Variants in PPARA observed in about 807,000 individuals in gnomAD.
The protein encoded by PPARA is peroxisome proliferator-activated receptor alpha.
A neutral mutation model predicts 42.2 loss-of-function variants in PPARA; 22 were observed. The ratio of observed to expected loss-of-function variants is 0.52; its 90% CI spans 0.37 to 0.74. PPARA has a LOEUF of 0.74. Among genes scored for constraint, PPARA ranks in the 30% least tolerant of loss-of-function variants. The pLI is 0.00. For missense variants in PPARA, 465 were observed against 608.2 expected (o/e 0.76, Z 2.48); for synonymous variants, 242 against 239.3 (o/e 1.01, Z -0.10).
chr22:46,150,728 C>T lies in PPARA; in HGVS notation c.-210+76C>T, dbSNP rs1467489609. 1.3e-5 allele frequency: 2 copies of T among 149,754 alleles called. No homozygotes were observed. Among genetic ancestry groups the T allele is most frequent in the Non-Finnish European group, 3.0e-5 (2 of 67,110 alleles). 9.3% of individuals were successfully genotyped at this position (149,754 alleles called of 1,614,324 possible). ...GGTCCGGGCTTCCCAGGTCCCGGGA[C>T]CCGGAGGGCGGCGGACGGGGGAGGG... is the stretch of plus-strand genomic sequence containing the variant. On this transcript the variant is annotated intron_variant, in intron 1 of 8. Coordinates refer to ENST00000407236, the MANE Select transcript of PPARA (RefSeq NM_005036.6). This position sits in a 1 kb window ranked among gnomAD's most constrained non-coding sequence, Gnocchi z 7.5.
At chr22:46,228,398 G>T (rs746360428) in intron 7 of PPARA, among the ~76,000 whole-genome samples, 2 of 143,740 alleles carry the variant, frequency 1.4e-5, no homozygotes, top group Non-Finnish European at 1.5e-5. Context: ...AACCAGGCGT[G>T]GTTGGTGGGT....
intron 2 of PPARA, among the ~76,000 whole-genome samples, chr22:46,154,614 C>A (rs942413152): frequency 2.5e-4 from 38 of 151,824 alleles, no homozygotes; most frequent in African/African-American, 8.7e-4. Flanking sequence ...GAGACCTGGT[C>A]TCAAAAAATA....
At chr22:46,176,227 T>A (rs1929037339) in intron 2 of PPARA, 2 of 152,230 alleles carry the variant, frequency 1.3e-5, no homozygotes, top group African/African-American at 4.8e-5. Context: ...GGCTCATGCC[T>A]GTAATCTCAG....
At position 46,236,810 on chromosome 22, in the gene PPARA, G is replaced by C. The variant is rs1932856637; in HGVS notation, c.*1430G>C. The C allele has an allele frequency of 6.6e-6, 1 of 152,236 alleles. No individual in the cohort carries two copies. Among genetic ancestry groups the C allele is most frequent in the South Asian group, 2.1e-4 (1 of 4,826 alleles). 9.4% of individuals were successfully genotyped at this position (152,236 alleles called of 1,614,324 possible). A position where few individuals can be genotyped will look rare whatever the true frequency, so the allele number is the denominator to read the frequency against. ...ACTTCAAATGGCAGATTTCACAAGAGTTGGTTATTTTTTACAATGGTTTAG... is the reference window on the plus strand; with the variant it reads ...ACTTCAAATGGCAGATTTCACAAGACTTGGTTATTTTTTACAATGGTTTAG... On this transcript the variant is annotated 3_prime_UTR_variant, in exon 9 of 9. Transcript: ENST00000407236. This position sits in a 1 kb window ranked among gnomAD's most constrained non-coding sequence, Gnocchi z 5.2.
intron 2 of PPARA, among the ~76,000 whole-genome samples, chr22:46,168,346 C>A (rs1927412883): frequency 3.7e-5 from 2 of 54,136 alleles, no homozygotes; most frequent in Admixed American, 3.0e-4. Context: ...AGCGAGACTC[C>A]ATCTCAAAAA....
intron 4 of PPARA, 92 bp from the exon 5 acceptor site, chr22:46,215,081 C>T: frequency 6.7e-7 from 1 of 1,502,658 alleles, no homozygotes; most frequent in South Asian, 1.1e-5. Context: ...GCACTAGAAG[C>T]CTCGTATGCG....
At chr22:46,174,560 T>TA (rs1216974866) in intron 2 of PPARA, among the ~76,000 whole-genome samples, 1 of 152,098 alleles carries the variant, frequency 6.6e-6, no homozygotes, top group East Asian at 1.9e-4. Flanking sequence ...CTCACTCCTG[T>TA]AATCCCAGCA....
In PPARA at chr22:46,173,226, T is replaced by C. The variant is rs1928368819; in HGVS notation, c.-126-3527T>C. ...CTTTTCACTCTCTTATTTGGGGATTTACAAAACAGTTATGTTTTTAGTTTT... is the reference window on the plus strand; with the variant it reads ...CTTTTCACTCTCTTATTTGGGGATTCACAAAACAGTTATGTTTTTAGTTTT... On this transcript the variant is annotated intron_variant, in intron 2 of 8. Coordinates refer to ENST00000407236, the MANE Select transcript of PPARA (RefSeq NM_005036.6). This position sits in a 1 kb window ranked among gnomAD's most constrained non-coding sequence, Gnocchi z 4.3. 6.6e-6 allele frequency among the ~76,000 whole-genome samples: 1 copy of C among 152,242 alleles called. No individual in the cohort carries two copies. Among genetic ancestry groups the C allele is most frequent in the African/African-American group, 2.4e-5 (1 of 41,462 alleles).
At chr22:46,213,019 T>C (rs1338515118) in intron 4 of PPARA, among the ~76,000 whole-genome samples, 1 of 152,124 alleles carries the variant, frequency 6.6e-6, no homozygotes, top group Non-Finnish European at 1.5e-5. Flanking sequence ...TAAACTGCTG[T>C]ATACATGTGT....
In PPARA at chr22:46,205,554, A is replaced by ATTTTTT. The variant is rs1322589111; in HGVS notation, c.208+6988_208+6993dup. Among the ~76,000 whole-genome samples, 27 of 12,924 alleles carry ATTTTTT rather than the reference A, an allele frequency of 2.1e-3. 3 individuals are homozygous for ATTTTTT. Among genetic ancestry groups the ATTTTTT allele is most frequent in the East Asian group, 3.9e-3 (1 of 256 alleles). The allele number at this position is 12,924 out of a possible 152,430, so 8.5% of individuals were successfully genotyped here. ...TATATATATATATATATATATATAT[A>ATTTTTT]TTTTTTTTTTTTTTTTTTTTTTTTT... On this transcript the variant is annotated intron_variant, in intron 4 of 8. Coordinates refer to ENST00000407236, the MANE Select transcript of PPARA (RefSeq NM_005036.6).
At position 46,155,438 on chromosome 22, in the gene PPARA, C is replaced by G; in HGVS notation, c.-127+3468C>G. ...CAAGCGATTCTCCTGCCTCAGTCTC[C>G]CCAGTAGCTGGGATTACAGGTGCCC... On this transcript the variant is annotated intron_variant, in intron 2 of 8. Transcript: ENST00000407236. 2 of 152,312 alleles carry G rather than the reference C, an allele frequency of 1.3e-5. 1 individual carries two copies. Among genetic ancestry groups the G allele is most frequent in the Non-Finnish European group, 2.9e-5 (2 of 68,120 alleles). 9.4% of individuals were successfully genotyped at this position (152,312 alleles called of 1,614,324 possible).
At chr22:46,208,115 T>G (rs1933570476) in intron 4 of PPARA, among the ~76,000 whole-genome samples, 1 of 152,198 alleles carries the variant, frequency 6.6e-6, no homozygotes, top group Non-Finnish European at 1.5e-5. Flanking sequence ...AATTTTAGTT[T>G]AATTTTTAAT....
chr22:46,183,161 C>T lies in PPARA; in HGVS notation c.-43+6325C>T, dbSNP rs766427576. 4.6e-5 allele frequency among the ~76,000 whole-genome samples: 7 copies of T among 152,232 alleles called. No individual in the cohort carries two copies. The highest frequency in any genetic ancestry group is 7.3e-5 in the Non-Finnish European group (5 of 68,046). Reference sequence around the variant, plus strand: ...ACTCGGGTGCCCCAATGTGGCGGTGCTTACAGAAATGACTCCATCTGCTAA... The same window carrying T: ...ACTCGGGTGCCCCAATGTGGCGGTGTTTACAGAAATGACTCCATCTGCTAA... On this transcript the variant is annotated intron_variant, in intron 3 of 8. Transcript: ENST00000407236. This position sits in a 1 kb window ranked among gnomAD's most constrained non-coding sequence, Gnocchi z 5.5.
At chr22:46,217,643 C>G (rs1934606060) in intron 5 of PPARA, among the ~76,000 whole-genome samples, 4 of 151,988 alleles carry the variant, frequency 2.6e-5, no homozygotes, top group Admixed American at 1.3e-4. Flanking sequence ...TACATTGTAA[C>G]AAGGCTGAGT....
In PPARA at chr22:46,150,571, G is replaced by A. The variant is rs1924224498; in HGVS notation, c.-291G>A. ...GCGGGGGCAGCGGGCGGCGGGGGCGGAGGCGGCCGCTAGCGCCCTGCCCGG... is the reference window on the plus strand; with the variant it reads ...GCGGGGGCAGCGGGCGGCGGGGGCGAAGGCGGCCGCTAGCGCCCTGCCCGG... On this transcript the variant is annotated 5_prime_UTR_variant, in exon 1 of 9. Transcript: ENST00000407236. The surrounding 1 kb of genome is among the most constrained non-coding windows in gnomAD (Gnocchi z 7.5). 6.9e-6 allele frequency: 1 copy of A among 145,448 alleles called. No homozygotes were observed. Among genetic ancestry groups the A allele is most frequent in the Admixed American group, 6.8e-5 (1 of 14,700 alleles). The allele number at this position is 145,448 out of a possible 1,614,324, so 9.0% of individuals were successfully genotyped here.
rs1481170222 is a variant in PPARA at position 46,227,658 on chromosome 22, T to G, written c.712-4134T>G. Among the ~76,000 whole-genome samples the G allele has an allele frequency of 6.6e-6, 1 of 152,234 alleles. No homozygotes were observed. The highest frequency in any genetic ancestry group is 6.5e-5 in the Admixed American group (1 of 15,284). On this transcript the variant is annotated intron_variant, in intron 7 of 8. Transcript: ENST00000407236. This position sits in a 1 kb window ranked among gnomAD's most constrained non-coding sequence, Gnocchi z 4.3. Reference sequence around the variant, plus strand: ...ACATGAGTGTGTGCCGGGACCAGTGTGGCAGCAAGCGGGGCGTTCTGCTCT... The same window carrying G: ...ACATGAGTGTGTGCCGGGACCAGTGGGGCAGCAAGCGGGGCGTTCTGCTCT...
chr22:46,235,095 T>TATC lies in PPARA; in HGVS notation c.1160-36_1160-34dup. The stretch of plus-strand genomic sequence containing the variant: ...AACTGATAAGCAGTTCTTGGGTGAT[T>TATC]ATCACACTCAAACCTCTCTCTCTTC... On this transcript the variant is annotated intron_variant, in intron 8 of 8. Transcript: ENST00000407236. This position sits in a 1 kb window ranked among gnomAD's most constrained non-coding sequence, Gnocchi z 7.0. 6.2e-7 allele frequency: 1 copy of TATC among 1,613,694 alleles called. No homozygotes were observed. Among genetic ancestry groups the TATC allele is most frequent in the African/African-American group, 1.3e-5 (1 of 75,042 alleles).
rs187667898 is a variant in PPARA, at chr22:46,202,079, G to A, written c.208+3488G>A. Among the ~76,000 whole-genome samples, 237 of 152,080 alleles carry A rather than the reference G, an allele frequency of 1.6e-3. 1 individual carries two copies. Among genetic ancestry groups the A allele is most frequent in the Non-Finnish European group, 2.7e-3 (183 of 67,988 alleles). On this transcript the variant is annotated intron_variant, in intron 4 of 8. Transcript: ENST00000407236. ...GAAATATGGAATTTGTGTGAGCTGC[G>A]GGAGTGGGTGGGTGTGTGGCTCTAG...
intron 3 of PPARA, among the ~76,000 whole-genome samples, chr22:46,178,078 C>G (rs902223226): frequency 6.6e-6 from 1 of 152,118 alleles, no homozygotes; most frequent in Middle Eastern, 3.2e-3. Flanking sequence ...ATATCAGAAC[C>G]TCAGGCACCT....
Sources: gnomAD v4.1 joint callset for allele counts (sites outside exome capture counted in the v4.1 genomes callset) on GRCh38, gnomAD v4.1.1 for gene constraint, Gnocchi (gnomAD v3.1) non-coding constraint, MANE v1.5 for transcripts, NCBI Gene and HGNC (gene_info 2026-07-23, HGNC 2026-07-21) for gene names.